Variants in MCUB observed in about 807,000 individuals in gnomAD.
MCUB encodes the protein mitochondrial calcium uniporter dominant negative subunit beta.
A neutral mutation model predicts 41.4 loss-of-function variants in MCUB; 46 were observed. The ratio of observed to expected loss-of-function variants is 1.11; its 90% CI spans 0.88 to 1.42. The LOEUF (loss-of-function observed/expected upper bound fraction) is 1.42. MCUB is among the 40% of genes most tolerant of loss of function. The pLI is 0.00. For synonymous variants in MCUB, 148 were observed against 148.2 expected, an observed-to-expected ratio of 1.00 and a Z score of 0.01; for missense variants, 403 against 404.9, an observed-to-expected ratio of 1.00 and a Z score of 0.04.
At chr4:109,608,013 A>G (rs768491966) in intron 1 of MCUB, among the ~76,000 whole-genome samples, 1 of 152,146 alleles carries the variant, frequency 6.6e-6, no homozygotes, top group East Asian at 1.9e-4. Context: ...TTCAAGGCCA[A>G]TAACTCTTAG....
At chr4:109,624,225 G>A (rs568967662) in intron 1 of MCUB, among the ~76,000 whole-genome samples, 1 of 152,244 alleles carries the variant, frequency 6.6e-6, no homozygotes, top group South Asian at 2.1e-4. Context: ...GCATTCTTAT[G>A]GAAAGTTATG....
At chr4:109,599,356 AG>A in intron 1 of MCUB, among the ~76,000 whole-genome samples, 1 of 150,068 alleles carries the variant, frequency 6.7e-6, no homozygotes, top group African/African-American at 2.5e-5. Flanking sequence ...ACATCTTGGG[AG>A]TTATGAAGAC....
chr4:109,630,874 C>T (rs1190489695), intron 1 of MCUB, among the ~76,000 whole-genome samples: 1 of 152,198 alleles, frequency 6.6e-6, no homozygotes, highest in African/African-American at 2.4e-5. Context: ...AGCCACTGCG[C>T]CTGGCCTGCA....
intron 1 of MCUB, among the ~76,000 whole-genome samples, chr4:109,657,846 T>A (rs1476674959): frequency 6.6e-6 from 1 of 152,260 alleles, no homozygotes; most frequent in Non-Finnish European, 1.5e-5. Context: ...AGCACTGCTG[T>A]CCAATAGAAC....
At chr4:109,570,525 A>T (rs943871320) in intron 1 of MCUB, among the ~76,000 whole-genome samples, 1 of 152,198 alleles carries the variant, frequency 6.6e-6, no homozygotes, top group African/African-American at 2.4e-5. Context: ...CAACTTTGCC[A>T]TTGTAGTGCA....
intron 1 of MCUB, among the ~76,000 whole-genome samples, chr4:109,628,244 A>C (rs1446577458): frequency 6.6e-6 from 1 of 152,204 alleles, no homozygotes; most frequent in African/African-American, 2.4e-5. Context: ...AATTGTATTT[A>C]AGAATGTATG....
intron 1 of MCUB, among the ~76,000 whole-genome samples, chr4:109,630,755 A>G (rs1728457908): frequency 6.6e-6 from 1 of 151,924 alleles, no homozygotes. Context: ...CTAATTTTGT[A>G]TTTTTAGTAG....
At chr4:109,565,321 G>A (rs1014564870) in intron 1 of MCUB, among the ~76,000 whole-genome samples, 1 of 152,196 alleles carries the variant, frequency 6.6e-6, no homozygotes, top group Admixed American at 6.5e-5. Flanking sequence ...ACGCTTCACT[G>A]TCTGTATAAT....
rs10557098 is a variant in MCUB at position 109,618,952 on chromosome 4, TTCTCTCTCTCTCTCTC to T, written c.100-40037_100-40022del. On this transcript the variant is annotated intron_variant, in intron 1 of 7. Transcript: ENST00000394650. ...TCAAGTTCATTATTGAACATTAAAC[TTCTCTCTCTCTCTCTC>T]TCTCTCTCTCTCTCTCTCTCTACCT... 8.6e-5 allele frequency among the ~76,000 whole-genome samples: 11 copies of T among 127,734 alleles called. No individual in the cohort carries two copies. The East Asian group carries it at 9.7e-4, about 11-fold the overall frequency. The allele number at this position is 127,734 out of a possible 152,430, so 83.8% of individuals were successfully genotyped here.
chr4:109,582,393 G>A (rs900311788), intron 1 of MCUB, among the ~76,000 whole-genome samples: 3 of 104,170 alleles, frequency 2.9e-5, no homozygotes, highest in Non-Finnish European at 5.4e-5. Context: ...GGGGGGAGGG[G>A]GGAGGGATAG....
At chr4:109,581,749 A>T (rs1727181127) in intron 1 of MCUB, among the ~76,000 whole-genome samples, 1 of 152,244 alleles carries the variant, frequency 6.6e-6, no homozygotes, top group Admixed American at 6.5e-5. Flanking sequence ...AAAAGAAGAC[A>T]TTTATGCAGC....
At chr4:109,601,101 CT>C (rs200529826) in intron 1 of MCUB, among the ~76,000 whole-genome samples, 15 of 107,324 alleles carry the variant, frequency 1.4e-4, no homozygotes, top group African/African-American at 4.6e-4. Context: ...CCTATTGTAT[CT>C]TTTTTTAAAA....
At chr4:109,630,177 C>A (rs1170178209) in intron 1 of MCUB, among the ~76,000 whole-genome samples, 1 of 152,100 alleles carries the variant, frequency 6.6e-6, no homozygotes, top group African/African-American at 2.4e-5. Context: ...AAAAAGAATT[C>A]TTGTTGGGTG....
At chr4:109,575,619 C>T (rs1485094214) in intron 1 of MCUB, among the ~76,000 whole-genome samples, 2 of 152,190 alleles carry the variant, frequency 1.3e-5, no homozygotes, top group African/African-American at 2.4e-5. Context: ...TCGTAATCAA[C>T]AGTTGTTATG....
chr4:109,674,075 G>A, intron 4 of MCUB: 3 of 1,448,050 alleles, frequency 2.1e-6, no homozygotes, highest in East Asian at 2.3e-5. Context: ...ATGACTGTTG[G>A]TATGGGCTAT....
In MCUB at chr4:109,619,030, GCCTACCTACCTA is replaced by G. The variant is rs762220634; in HGVS notation, c.100-39944_100-39933del. On this transcript the variant is annotated intron_variant, in intron 1 of 7. Coordinates refer to ENST00000394650, the MANE Select transcript of MCUB (RefSeq NM_017918.5). ...TACCTACCTACCTATCTACCTGCCT[GCCTACCTACCTA>G]CCTACCTACCTACCTACCTACCTAC... 8.1e-3 allele frequency among the ~76,000 whole-genome samples: 968 copies of G among 118,778 alleles called. 12 individuals carry two copies. Among genetic ancestry groups the G allele is most frequent in the Middle Eastern group, 0.039 (10 of 258 alleles). 77.9% of individuals were successfully genotyped at this position (118,778 alleles called of 152,430 possible). A position where few individuals can be genotyped will look rare whatever the true frequency, so the allele number is the denominator to read the frequency against.
At chr4:109,605,749 C>T (rs1727855063) in intron 1 of MCUB, among the ~76,000 whole-genome samples, 1 of 152,108 alleles carries the variant, frequency 6.6e-6, no homozygotes, top group Non-Finnish European at 1.5e-5. Context: ...GTTATATTCC[C>T]TTGGTGAATA....
chr4:109,658,841 G>A (rs1729163158), intron 1 of MCUB, among the ~76,000 whole-genome samples, 170 bp from the exon 2 acceptor site: 1 of 152,194 alleles, frequency 6.6e-6, no homozygotes, highest in Non-Finnish European at 1.5e-5. Flanking sequence ...CATATAGCCA[G>A]GAAGGTTCAG....
At chr4:109,614,744 C>A (rs976220816) in intron 1 of MCUB, among the ~76,000 whole-genome samples, 6 of 151,736 alleles carry the variant, frequency 4.0e-5, no homozygotes, top group Non-Finnish European at 5.9e-5. Flanking sequence ...ATGTCCTGCC[C>A]TGTGGACCTC....
Sources: gnomAD v4.1 joint callset for allele counts (sites outside exome capture counted in the v4.1 genomes callset) on GRCh38, gnomAD v4.1.1 for gene constraint, MANE v1.5 for transcripts, NCBI Gene and HGNC (gene_info 2026-07-23, HGNC 2026-07-21) for gene names.